The following SLC2A13 variants were observed in gnomAD, a reference collection of about 807,000 sequenced individuals.
SLC2A13 encodes the protein proton myo-inositol cotransporter.
SLC2A13 carries 32 observed loss-of-function variants against 64.4 expected under a neutral mutation model. The observed-to-expected ratio is 0.50, with a 90% CI of 0.37 to 0.67. The LOEUF is 0.67. Among genes scored for constraint, SLC2A13 ranks in the 30% least tolerant of loss-of-function variants. The pLI, the probability that SLC2A13 is intolerant of heterozygous loss-of-function variation, is 0.00. For missense variants in SLC2A13, 743 were observed against 829.2 expected, an observed-to-expected ratio of 0.90 and a Z score of 1.28; for synonymous variants, 338 against 327.1, an observed-to-expected ratio of 1.03 and a Z score of -0.36.
intron 3 of SLC2A13, among the ~76,000 whole-genome samples, chr12:39,995,122 C>T (rs1435400848): frequency 1.3e-5 from 2 of 152,082 alleles, no homozygotes; most frequent in East Asian, 3.8e-4. Context: ...AAATAATACA[C>T]GTTGTGCAGG....
chr12:39,968,747 T>TTG lies in SLC2A13; in HGVS notation c.926-17384_926-17383dup, dbSNP rs1946576214. ...GCCTGCCCTTTCTTTTTTATTTTTG[T>TTG]TGTTTTTTTTTGGTATATATATATA... is the stretch of plus-strand genomic sequence containing the variant. On this transcript the variant is annotated intron_variant, in intron 3 of 9. Coordinates refer to ENST00000280871, the MANE Select transcript of SLC2A13 (RefSeq NM_052885.4). Among the ~76,000 whole-genome samples, 16 of 64,224 alleles carry TTG rather than the reference T, an allele frequency of 2.5e-4. No individual in the cohort carries two copies. In the South Asian group the frequency reaches 8.2e-3, roughly 33 times the overall value. 42.1% of individuals were successfully genotyped at this position (64,224 alleles called of 152,430 possible).
intron 4 of SLC2A13, among the ~76,000 whole-genome samples, chr12:39,909,782 C>T (rs781449875): frequency 4.0e-5 from 6 of 151,374 alleles, no homozygotes; most frequent in East Asian, 3.9e-4. Flanking sequence ...GAGAATTAAA[C>T]GAGAAACAGT....
chr12:39,971,694 G>A (rs1031503710), intron 3 of SLC2A13, among the ~76,000 whole-genome samples: 9 of 152,020 alleles, frequency 5.9e-5, no homozygotes, highest in African/African-American at 9.7e-5. Context: ...TAAAAATGTG[G>A]CTGGGAACAG....
intron 3 of SLC2A13, among the ~76,000 whole-genome samples, chr12:39,976,583 T>TGGG (rs555695663): frequency 6.6e-6 from 1 of 151,984 alleles, no homozygotes; most frequent in African/African-American, 2.4e-5. Flanking sequence ...TTTTAAAGAC[T>TGGG]GGGGGGGTCT....
At chr12:39,949,129 A>AGTCAC (rs1946187712) in intron 4 of SLC2A13, among the ~76,000 whole-genome samples, 1 of 152,172 alleles carries the variant, frequency 6.6e-6, no homozygotes, top group Admixed American at 6.5e-5. Context: ...ACTTACACTA[A>AGTCAC]ATTTTATGGG....
At chr12:40,004,831 G>A (rs978151202) in intron 3 of SLC2A13, among the ~76,000 whole-genome samples, 2 of 151,990 alleles carry the variant, frequency 1.3e-5, no homozygotes, top group African/African-American at 4.8e-5. Flanking sequence ...AATAAAGTAA[G>A]CTAGAAAAAA....
chr12:39,794,965 CCTT>C (rs1420734808), intron 7 of SLC2A13, among the ~76,000 whole-genome samples: 2 of 152,132 alleles, frequency 1.3e-5, no homozygotes, highest in East Asian at 1.9e-4. Context: ...AAGATTTTCT[CCTT>C]CTCTTTGCTG....
At chr12:39,767,514 A>T (rs1212038761) in intron 7 of SLC2A13, among the ~76,000 whole-genome samples, 1 of 152,006 alleles carries the variant, frequency 6.6e-6, no homozygotes, top group Non-Finnish European at 1.5e-5. Context: ...ATTATCTCCT[A>T]ACAAGAGACC....
At chr12:39,824,884 G>C (rs1266730457) in intron 7 of SLC2A13, among the ~76,000 whole-genome samples, 1 of 152,110 alleles carries the variant, frequency 6.6e-6, no homozygotes, top group Non-Finnish European at 1.5e-5. Context: ...ATCAAGGAGG[G>C]TAAATTCTAG....
intron 7 of SLC2A13, among the ~76,000 whole-genome samples, chr12:39,798,671 G>C (rs1398079296): frequency 6.6e-6 from 1 of 152,180 alleles, no homozygotes; most frequent in Non-Finnish European, 1.5e-5. Context: ...CCGGGCTAGT[G>C]CTGAAAGACT....
At chr12:40,081,956 A>G (rs945139470) in intron 1 of SLC2A13, among the ~76,000 whole-genome samples, 9 of 152,224 alleles carry the variant, frequency 5.9e-5, no homozygotes, top group African/African-American at 1.7e-4. Flanking sequence ...GCCAAGGCTC[A>G]GCTTAGCATT....
chr12:39,762,143 G>A (rs944526057), intron 9 of SLC2A13, among the ~76,000 whole-genome samples: 3 of 152,050 alleles, frequency 2.0e-5, no homozygotes, highest in African/African-American at 4.8e-5. Flanking sequence ...GGTTCCAATG[G>A]TTAGACCTGT....
intron 4 of SLC2A13, among the ~76,000 whole-genome samples, chr12:39,905,012 G>C (rs1945229029): frequency 6.6e-6 from 1 of 152,072 alleles, no homozygotes; most frequent in Non-Finnish European, 1.5e-5. Context: ...AGTTGCTAGA[G>C]CTAAAACTAG....
At chr12:39,769,441 T>C (rs527564719) in intron 7 of SLC2A13, among the ~76,000 whole-genome samples, 2 of 152,150 alleles carry the variant, frequency 1.3e-5, no homozygotes, top group African/African-American at 2.4e-5. Flanking sequence ...TTTAAAAGAA[T>C]TGAAGATCAT....
intron 6 of SLC2A13, among the ~76,000 whole-genome samples, chr12:39,838,059 T>C (rs1275385863): frequency 8.7e-5 from 13 of 149,188 alleles, no homozygotes; most frequent in Middle Eastern, 6.8e-3. Flanking sequence ...TATTGTGGCA[T>C]TATTCACAAT....
intron 3 of SLC2A13, among the ~76,000 whole-genome samples, chr12:39,963,180 G>C (rs565022917): frequency 6.6e-6 from 1 of 151,580 alleles, no homozygotes; most frequent in Non-Finnish European, 1.5e-5. Context: ...CCAGCTACTT[G>C]GGAGGCTGAG....
chr12:39,904,573 G>T (rs868324949), intron 4 of SLC2A13, among the ~76,000 whole-genome samples: 1 of 152,054 alleles, frequency 6.6e-6, no homozygotes, highest in South Asian at 2.1e-4. Context: ...CTTCCATGGA[G>T]AAAGCTCTTG....
intron 4 of SLC2A13, among the ~76,000 whole-genome samples, chr12:39,877,936 G>T (rs1012656298): frequency 6.6e-6 from 1 of 152,150 alleles, no homozygotes; most frequent in Non-Finnish European, 1.5e-5. Flanking sequence ...CTCAAGGTTT[G>T]GTGCTAAATC....
intron 7 of SLC2A13, among the ~76,000 whole-genome samples, chr12:39,826,774 C>T (rs1942690643): frequency 6.7e-6 from 1 of 148,830 alleles, no homozygotes; most frequent in Non-Finnish European, 1.5e-5. Context: ...CACATATATA[C>T]TGCACCAATC....
Sources: gnomAD v4.1 joint callset for allele counts (sites outside exome capture counted in the v4.1 genomes callset) on GRCh38, gnomAD v4.1.1 for gene constraint, MANE v1.5 for transcripts, NCBI Gene and HGNC (gene_info 2026-07-23, HGNC 2026-07-21) for gene names.